The following SCIN variants were observed in gnomAD, a reference collection of about 807,000 sequenced individuals.
SCIN encodes the protein scinderin, also known as adseverin.
SCIN carries 91 observed loss-of-function variants against 91.8 expected under a neutral mutation model. The ratio of observed to expected loss-of-function variants is 0.99; its 90% confidence interval spans 0.84 to 1.18. The LOEUF (loss-of-function observed/expected upper bound fraction) is 1.18, where lower values mean the gene tolerates loss of function less well. SCIN is among the 50% of genes most tolerant of loss of function. SCIN has a pLI of 0.00. For missense variants in SCIN, 1,087 were observed against 863.9 expected, an observed-to-expected ratio of 1.26 and a Z score of -3.24; for synonymous variants, 367 against 312.6, an observed-to-expected ratio of 1.17 and a Z score of -1.84.
intron 3 of SCIN, among the ~76,000 whole-genome samples, chr7:12,603,501 C>T (rs1460802422): frequency 6.6e-6 from 1 of 152,024 alleles, no homozygotes; most frequent in East Asian, 1.9e-4. Flanking sequence ...GTTTATACCA[C>T]CCAAATAGTG....
Position 12,651,920 on chromosome 7 carries a change from C to A in SCIN, c.2020+19C>A. ...AAGTCTGGTAAGCTCAATCGATGGACCATTATAGCAGTAACCGGGCACCAT... is the reference window on the plus strand; with the variant it reads ...AAGTCTGGTAAGCTCAATCGATGGAACATTATAGCAGTAACCGGGCACCAT... On this transcript the variant is annotated intron_variant, in intron 15 of 15. Coordinates refer to ENST00000297029, the MANE Select transcript of SCIN (RefSeq NM_001112706.3). The surrounding 1 kb of genome is among the most constrained non-coding windows in gnomAD (Gnocchi z 5.9). 1.9e-6 allele frequency: 3 copies of A among 1,569,402 alleles called. No homozygotes were observed. The highest frequency in any genetic ancestry group is 2.6e-6 in the Non-Finnish European group (3 of 1,143,880).
intron 4 of SCIN, among the ~76,000 whole-genome samples, chr7:12,621,111 G>C (rs1164269351): frequency 1.3e-5 from 2 of 152,120 alleles, no homozygotes; most frequent in Non-Finnish European, 2.9e-5. Context: ...TGGCCTAGTT[G>C]ATAAAGTGAA....
intron 4 of SCIN, among the ~76,000 whole-genome samples, chr7:12,619,989 T>C (rs566871919): frequency 4.6e-4 from 70 of 152,160 alleles, no homozygotes; most frequent in Admixed American, 2.8e-3. Context: ...TTTTTTAAAA[T>C]TTAAAAATAA....
chr7:12,620,685 G>A (rs1439422078), intron 4 of SCIN, among the ~76,000 whole-genome samples: 3 of 152,252 alleles, frequency 2.0e-5, no homozygotes, highest in Non-Finnish European at 4.4e-5. Flanking sequence ...AGGAGAGGAA[G>A]TATTTAAAAC....
Position 12,657,745 on chromosome 7 carries a change from G to C in SCIN, c.*5030G>C, listed in dbSNP as rs566384826. 123 of 151,080 alleles carry C rather than the reference G, an allele frequency of 8.1e-4. No homozygotes were observed. Among genetic ancestry groups the C allele is most frequent in the African/African-American group, 2.9e-3 (120 of 41,350 alleles). The allele number at this position is 151,080 out of a possible 1,614,324, so 9.4% of individuals were successfully genotyped here. On this transcript the variant is annotated 3_prime_UTR_variant, in exon 16 of 16. Transcript: ENST00000297029. ...TCATATTGATGTGAAAAGCAGCCAAGTATTATTTGACAACATCAGTCCCTT... is the reference window on the plus strand; with the variant it reads ...TCATATTGATGTGAAAAGCAGCCAACTATTATTTGACAACATCAGTCCCTT...
intron 4 of SCIN, among the ~76,000 whole-genome samples, chr7:12,613,868 C>T (rs1783246150): frequency 6.6e-6 from 1 of 151,828 alleles, no homozygotes; most frequent in African/African-American, 2.4e-5. Flanking sequence ...GTTAGATATC[C>T]CATAATCTAC....
rs560031284 is a variant in SCIN, at chr7:12,634,775, A to G, written c.1320-1270A>G. Among the ~76,000 whole-genome samples, 6 of 152,316 alleles carry G rather than the reference A, an allele frequency of 3.9e-5. No individual in the cohort carries two copies. In the South Asian group the frequency reaches 1.2e-3, roughly 32 times the overall value. Reference sequence around the variant, plus strand: ...ACAAGTTGCTTTACAGGTTAAGGTGACACAGAGTTAACAGCCACAAGCCAC... The same window carrying G: ...ACAAGTTGCTTTACAGGTTAAGGTGGCACAGAGTTAACAGCCACAAGCCAC... On this transcript the variant is annotated intron_variant, in intron 9 of 15. Coordinates refer to ENST00000297029, the MANE Select transcript of SCIN (RefSeq NM_001112706.3).
At chr7:12,609,230 C>T (rs1008868590) in intron 4 of SCIN, among the ~76,000 whole-genome samples, 1 of 152,196 alleles carries the variant, frequency 6.6e-6, no homozygotes. Flanking sequence ...ATCTTTAGTA[C>T]TTTTAAAAGC....
chr7:12,623,071 C>CT (rs1783442981), intron 5 of SCIN, among the ~76,000 whole-genome samples, 178 bp downstream of exon 5: 1 of 151,984 alleles, frequency 6.6e-6, no homozygotes, highest in Non-Finnish European at 1.5e-5. Flanking sequence ...AGTTTTAATA[C>CT]TTTTTGTTAT....
At position 12,657,530 on chromosome 7, in the gene SCIN, ATG is replaced by A; in HGVS notation, c.*4823_*4824del. 1.2e-5 allele frequency: 1 copy of A among 82,674 alleles called. No individual in the cohort carries two copies. The highest frequency in any genetic ancestry group is 4.0e-5 in the African/African-American group (1 of 24,712). The allele number at this position is 82,674 out of a possible 1,614,324, so 5.1% of individuals were successfully genotyped here. The stretch of plus-strand genomic sequence containing the variant: ...GGACACGAATTTTTAAGTTTTATAT[ATG>A]TGTGTGTATATATATATATATATAT... On this transcript the variant is annotated 3_prime_UTR_variant, in exon 16 of 16. Transcript: ENST00000297029.
chr7:12,635,647 A>G (rs1306999494), intron 9 of SCIN, among the ~76,000 whole-genome samples: 26 of 146,910 alleles, frequency 1.8e-4, no homozygotes, highest in Non-Finnish European at 1.1e-4. Context: ...AAAAAAGGCA[A>G]GAAAGACAAA....
At chr7:12,600,083 G>C (rs1319067688) in intron 3 of SCIN, among the ~76,000 whole-genome samples, 1 of 152,212 alleles carries the variant, frequency 6.6e-6, no homozygotes, top group East Asian at 1.9e-4. Flanking sequence ...TGAAGTCTTT[G>C]CTTAAGCCAA....
chr7:12,601,208 C>T (rs924888108), intron 3 of SCIN, among the ~76,000 whole-genome samples: 11 of 152,044 alleles, frequency 7.2e-5, no homozygotes, highest in African/African-American at 1.9e-4. Context: ...GAATGTTAAG[C>T]GGGGGTCAGA....
intron 3 of SCIN, among the ~76,000 whole-genome samples, chr7:12,602,703 A>G (rs1782983722): frequency 6.6e-6 from 1 of 152,216 alleles, no homozygotes; most frequent in African/African-American, 2.4e-5. Context: ...CTCTGCAGGA[A>G]GAAAAATATG....
chr7:12,609,062 A>G (rs1196171392), intron 4 of SCIN, among the ~76,000 whole-genome samples: 1 of 152,116 alleles, frequency 6.6e-6, no homozygotes, highest in African/African-American at 2.4e-5. Flanking sequence ...CAGTATTTTC[A>G]CACAGTTTTT....
rs369938973 is a variant in SCIN at position 12,625,005 on chromosome 7, A to G, written c.760-5A>G. The G allele has an allele frequency of 4.5e-6, 7 of 1,551,878 alleles. No homozygotes were observed. The African/African-American group carries it at 9.6e-5, about 21-fold the overall frequency. On this transcript the variant is annotated splice_polypyrimidine_tract_variant and splice_region_variant and intron_variant, in intron 5 of 15. Transcript: ENST00000297029. Reference sequence around the variant, plus strand: ...AAAACATGGAGGTCATGGTTTTTATATTAGGTTTCAGATGCAAGTGGCTCC... The same window carrying G: ...AAAACATGGAGGTCATGGTTTTTATGTTAGGTTTCAGATGCAAGTGGCTCC...
chr7:12,604,530 G>A lies in SCIN; in HGVS notation c.533G>A (p.Cys178Tyr). 1.3e-6 allele frequency: 2 copies of A among 1,551,666 alleles called. No individual in the cohort carries two copies. The highest frequency in any genetic ancestry group is 1.7e-6 in the Non-Finnish European group (2 of 1,146,996). ...TTCTTTTAGGAAATTTATCAGTGGT[G>A]TGGTTCCTCGTGCAACAAATATGAA... ...IDLGTEIYQW[C>Y]GSSCNKYERL... is the part of the protein sequence containing the mutation. Residue 178 changes from cysteine to tyrosine, a missense_variant, in exon 4 of 16, where the codon TGT becomes TAT. Transcript: ENST00000297029.
At chr7:12,649,771 G>A (rs1784042469) in intron 14 of SCIN, among the ~76,000 whole-genome samples, 1 of 152,056 alleles carries the variant, frequency 6.6e-6, no homozygotes, top group African/African-American at 2.4e-5. Context: ...TACAGTTGTA[G>A]GCAAAAAACT....
At chr7:12,588,834 T>C (rs1202022055) in intron 3 of SCIN, 1 of 5,194 alleles carries the variant, frequency 1.9e-4, no homozygotes, top group East Asian at 5.4e-3. Context: ...CGGGGGCGGG[T>C]GGGAAGGGGG....
Sources: allele counts gnomAD v4.1 joint callset (sites outside exome capture counted in the v4.1 genomes callset), GRCh38; gene constraint gnomAD v4.1.1; non-coding constraint Gnocchi (gnomAD v3.1); transcripts MANE v1.5; gene names NCBI Gene and HGNC (gene_info 2026-07-23, HGNC 2026-07-21).